Variants in LINC00632 observed in about 807,000 individuals in gnomAD.
LINC00632 encodes the protein ALDOA related specific transcript.
intron 2 of LINC00632, chrX:140,714,238 T>C (rs1247917228): frequency 6.6e-6 from 1 of 151,539 alleles, no homozygotes. Flanking sequence ...CCCCATTGTG[T>C]ACAGACAAGC....
exon 5 of LINC00632, among the ~76,000 whole-genome samples, chrX:140,776,463 C>T (rs1363589376): frequency 2.7e-5 from 3 of 112,961 alleles, no homozygotes; most frequent in Admixed American, 9.3e-5. Flanking sequence ...CTCAGGGGGC[C>T]GTTGGACCCG....
intron 2 of LINC00632, chrX:140,714,871 A>AC (rs1479544991): frequency 7.8e-5 from 8 of 102,328 alleles, no homozygotes; most frequent in Non-Finnish European, 1.3e-4. Flanking sequence ...ACAAAAACAA[A>AC]CAAAAAAAAA....
intron 3 of LINC00632, among the ~76,000 whole-genome samples, chrX:140,771,025 G>A (rs1309056679): frequency 8.9e-6 from 1 of 111,751 alleles, no homozygotes; most frequent in Non-Finnish European, 1.9e-5. Context: ...TCAGGCTCTA[G>A]AGAGAAAAAA....
chrX:140,773,211 G>A (rs1397205242), exon 4 of LINC00632, among the ~76,000 whole-genome samples: 3 of 105,777 alleles, frequency 2.8e-5, no homozygotes, highest in South Asian at 3.9e-4. Context: ...GAAGAAAGAA[G>A]AGAAGAGAAG....
exon 5 of LINC00632, among the ~76,000 whole-genome samples, chrX:140,788,675 CAG>C (rs1479279132): frequency 9.3e-6 from 1 of 107,531 alleles, no homozygotes; most frequent in Admixed American, 1.0e-4. Flanking sequence ...AAATACATAA[CAG>C]GGAGTGAAAA....
intron 3 of LINC00632, among the ~76,000 whole-genome samples, chrX:140,762,159 A>C (rs181772905): frequency 3.6e-5 from 4 of 109,729 alleles, no homozygotes; most frequent in Non-Finnish European, 5.7e-5. Flanking sequence ...TATTATAATC[A>C]TCACTGTCTG....
chrX:140,764,564 G>A (rs1476920609), intron 3 of LINC00632: 1 of 112,574 alleles, frequency 8.9e-6, no homozygotes, highest in Non-Finnish European at 1.9e-5. Flanking sequence ...TCTCTCCAGA[G>A]AGCAGCCGGG....
chrX:140,739,158 A>C lies in LINC00632; in HGVS notation n.191+5194A>C, dbSNP rs762276027. On this transcript the variant is annotated intron_variant and non_coding_transcript_variant, in intron 3 of 4. Coordinates refer to ENST00000648200, the Ensembl canonical transcript of LINC00632. Reference sequence around the variant, plus strand: ...ACATGTGAAGCTTTTCAGACTCTTCATAATTCCAGTGGTGGATAATGCATT... The same window carrying C: ...ACATGTGAAGCTTTTCAGACTCTTCCTAATTCCAGTGGTGGATAATGCATT... 2.7e-5 allele frequency among the ~76,000 whole-genome samples: 3 copies of C among 111,878 alleles called. 1 individual carries two copies. In the South Asian group the frequency reaches 1.2e-3, roughly 43 times the overall value.
chrX:140,711,731 AT>A (rs1930519048), intron 2 of LINC00632: 1 of 178,827 alleles, frequency 5.6e-6, no homozygotes, highest in Non-Finnish European at 1.2e-5. Flanking sequence ...TATAAACATT[AT>A]TTTCCAGCCA....
chrX:140,728,422 C>T (rs1340847325), intron 2 of LINC00632, among the ~76,000 whole-genome samples: 1 of 110,097 alleles, frequency 9.1e-6, no homozygotes, highest in Non-Finnish European at 1.9e-5. Context: ...AATCACTCTG[C>T]AATGCAAATG....
intron 2 of LINC00632, among the ~76,000 whole-genome samples, chrX:140,732,778 T>G (rs1278323882): frequency 2.7e-5 from 3 of 109,717 alleles, no homozygotes; most frequent in Non-Finnish European, 5.7e-5. Flanking sequence ...TTTTTTTTTT[T>G]TCTGAGACAG....
chrX:140,713,427 A>C (rs1930558715), intron 2 of LINC00632: 1 of 291,498 alleles, frequency 3.4e-6, no homozygotes, highest in African/African-American at 2.8e-5. Context: ...TCGTTTCCTC[A>C]GATGTAAAAT....
At chrX:140,773,308 G>A (rs1196453441) in exon 4 of LINC00632, among the ~76,000 whole-genome samples, 1 of 112,481 alleles carries the variant, frequency 8.9e-6, no homozygotes, top group Non-Finnish European at 1.9e-5. Context: ...AGAGTATCCT[G>A]AATACCTGAA....
intron 3 of LINC00632, among the ~76,000 whole-genome samples, chrX:140,742,763 G>A (rs1322151786): frequency 2.8e-5 from 3 of 107,159 alleles, no homozygotes; most frequent in Non-Finnish European, 5.8e-5. Flanking sequence ...AGCAATTAGT[G>A]TGACTTTGAG....
exon 5 of LINC00632, among the ~76,000 whole-genome samples, chrX:140,776,521 GGGTCCTCGTT>G (rs1184660194): frequency 8.8e-6 from 1 of 113,014 alleles, no homozygotes; most frequent in Non-Finnish European, 1.9e-5. Context: ...CCACCCGCCG[GGGTCCTCGTT>G]ACCCAAGCCC....
At chrX:140,753,768 CTTTTTTTTTTT>C (rs752596283) in intron 3 of LINC00632, among the ~76,000 whole-genome samples, 4 of 49,729 alleles carry the variant, frequency 8.0e-5, no homozygotes, top group Non-Finnish European at 1.3e-4. Flanking sequence ...TTCTTTCTTT[CTTTTTTTTTTT>C]TTTTTTTTTT....
At chrX:140,717,992 C>T (rs991720298) in intron 2 of LINC00632, among the ~76,000 whole-genome samples, 9 of 109,678 alleles carry the variant, frequency 8.2e-5, no homozygotes, top group Middle Eastern at 4.8e-3. Flanking sequence ...CAAAATTAGC[C>T]GGGTGTGGTG....
At chrX:140,744,559 C>CT (rs375247380) in intron 3 of LINC00632, among the ~76,000 whole-genome samples, 6,241 of 47,190 alleles carry the variant, frequency 0.13, 643 homozygotes, top group African/African-American at 0.36. Context: ...TGGATTAGAG[C>CT]TTTTTTTTGG....
chrX:140,755,567 G>A (rs1196788988), intron 3 of LINC00632, among the ~76,000 whole-genome samples: 2 of 112,207 alleles, frequency 1.8e-5, no homozygotes, highest in Non-Finnish European at 3.8e-5. Context: ...GCACGGTGAT[G>A]CCTCCAGAAC....
Sources: allele counts gnomAD v4.1 joint callset (sites outside exome capture counted in the v4.1 genomes callset), GRCh38; gene constraint gnomAD v4.1.1; transcripts MANE v1.5; gene names NCBI Gene and HGNC (gene_info 2026-07-23, HGNC 2026-07-21).